The following PTGFRN variants were observed in gnomAD, a reference collection of about 807,000 sequenced individuals.
PTGFRN encodes the protein prostaglandin F2 receptor negative regulator.
Under a neutral mutation model 83.2 loss-of-function variants are expected in PTGFRN, and 35 were observed. The observed-to-expected ratio is 0.42, with a 90% CI of 0.32 to 0.56. The LOEUF (loss-of-function observed/expected upper bound fraction) is 0.56, where lower values mean the gene tolerates loss of function less well. Among genes scored for constraint, PTGFRN ranks in the 20% least tolerant of loss-of-function variants. The pLI is 0.11. For synonymous variants in PTGFRN, 519 were observed against 498.6 expected (o/e 1.04, Z -0.55); for missense variants, 1,051 against 1,179.5 (o/e 0.89, Z 1.60).
At chr1:116,915,422 C>G (rs1217967726) in intron 1 of PTGFRN, among the ~76,000 whole-genome samples, 2 of 152,208 alleles carry the variant, frequency 1.3e-5, no homozygotes, top group African/African-American at 4.8e-5. Context: ...CCTAGTGAAT[C>G]CATCCAGCTT....
intron 6 of PTGFRN, among the ~76,000 whole-genome samples, chr1:116,974,004 G>A (rs888666233): frequency 3.3e-5 from 5 of 152,178 alleles, no homozygotes; most frequent in African/African-American, 1.2e-4. Context: ...GTTCTATTTT[G>A]GTTGTAATCT....
chr1:116,988,699 ACT>A lies in PTGFRN; in HGVS notation c.*1733_*1734del. The A allele has an allele frequency of 6.5e-6, 1 of 152,790 alleles. No individual in the cohort carries two copies. Among genetic ancestry groups the A allele is most frequent in the African/African-American group, 2.4e-5 (1 of 41,426 alleles). 9.5% of individuals were successfully genotyped at this position (152,790 alleles called of 1,614,324 possible). On this transcript the variant is annotated 3_prime_UTR_variant, in exon 9 of 9. Transcript: ENST00000393203. ...CCTGCTCCCCCACAGCCGGTTCTGC[ACT>A]TATCACCGAGTCGCCCCTGGAAGCA...
At chr1:116,931,288 C>T (rs1649792524) in intron 1 of PTGFRN, among the ~76,000 whole-genome samples, 1 of 152,174 alleles carries the variant, frequency 6.6e-6, no homozygotes, top group Non-Finnish European at 1.5e-5. Flanking sequence ...AAAGGATATA[C>T]AGCCTGTATG....
chr1:116,910,023 C>G lies in PTGFRN; in HGVS notation c.-181C>G. 1 of 705,668 alleles carries G rather than the reference C, an allele frequency of 1.4e-6. No individual in the cohort carries two copies. Among genetic ancestry groups the G allele is most frequent in the Admixed American group, 2.2e-5 (1 of 44,778 alleles). The allele number at this position is 705,668 out of a possible 1,614,324, so 43.7% of individuals were successfully genotyped here. On this transcript the variant is annotated 5_prime_UTR_variant, in exon 1 of 9. Coordinates refer to ENST00000393203, the MANE Select transcript of PTGFRN (RefSeq NM_020440.4). ...AGGGAAGGAGGCGGGAGGGAGCGAGCGGAGCCAGGGGCGCACGTACGCCCC... is the reference window on the plus strand; with the variant it reads ...AGGGAAGGAGGCGGGAGGGAGCGAGGGGAGCCAGGGGCGCACGTACGCCCC...
At position 116,932,185 on chromosome 1, in the gene PTGFRN, G is replaced by C. The variant is rs112758182; in HGVS notation, c.50-9530G>C. Among the ~76,000 whole-genome samples, 584 of 152,280 alleles carry C rather than the reference G, an allele frequency of 3.8e-3. 2 individuals are homozygous for C. Among genetic ancestry groups the C allele is most frequent in the African/African-American group, 0.013 (551 of 41,562 alleles). On this transcript the variant is annotated intron_variant, in intron 1 of 8. Transcript: ENST00000393203. Reference sequence around the variant, plus strand: ...CATTTCCCATGGATATCAGAAGGAGGTGGAAAAGCATAGATAAATGAAGTG... The same window carrying C: ...CATTTCCCATGGATATCAGAAGGAGCTGGAAAAGCATAGATAAATGAAGTG...
rs1650383493 is a variant in PTGFRN at position 116,952,764 on chromosome 1, A to G, written c.1213+3192A>G. Among the ~76,000 whole-genome samples the G allele has an allele frequency of 6.6e-6, 1 of 152,242 alleles. No homozygotes were observed. The highest frequency in any genetic ancestry group is 1.5e-5 in the Non-Finnish European group (1 of 68,050). Reference sequence around the variant, plus strand: ...TTCATTTTGGGGCATTGGAAAAGATAATAGACAGGGCTTTCAACTGTTCTT... The same window carrying G: ...TTCATTTTGGGGCATTGGAAAAGATGATAGACAGGGCTTTCAACTGTTCTT... On this transcript the variant is annotated intron_variant, in intron 4 of 8. Coordinates refer to ENST00000393203, the MANE Select transcript of PTGFRN (RefSeq NM_020440.4). The surrounding 1 kb of genome is among the most constrained non-coding windows in gnomAD (Gnocchi z 4.0).
chr1:116,958,798 C>T lies in PTGFRN; in HGVS notation c.1214-2445C>T, dbSNP rs1333643876. Among the ~76,000 whole-genome samples the T allele has an allele frequency of 3.3e-5, 5 of 152,186 alleles. No individual in the cohort carries two copies. The highest frequency in any genetic ancestry group is 7.3e-5 in the Non-Finnish European group (5 of 68,038). Reference sequence around the variant, plus strand: ...AGTCTGGCTCCAGACCTCAGCTCCTCACCACTGTTCTCTGCTGCCTCACAG... The same window carrying T: ...AGTCTGGCTCCAGACCTCAGCTCCTTACCACTGTTCTCTGCTGCCTCACAG... On this transcript the variant is annotated intron_variant, in intron 4 of 8. Coordinates refer to ENST00000393203, the MANE Select transcript of PTGFRN (RefSeq NM_020440.4). The surrounding 1 kb of genome is among the most constrained non-coding windows in gnomAD (Gnocchi z 4.9).
rs1483405024 is a variant in PTGFRN, at chr1:116,949,291, C to T, written c.932C>T (p.Pro311Leu). 18 of 1,614,258 alleles carry T rather than the reference C, an allele frequency of 1.1e-5. No homozygotes were observed. Among genetic ancestry groups the T allele is most frequent in the Non-Finnish European group, 1.2e-5 (14 of 1,180,044 alleles). ...ACAGACCGAGCCGATGACGTCCGGC[C>T]CGAGGTGACGTGGTCCTTCAGCAGG... ...ITTDRADDVR[P>L]EVTWSFSRMP... Residue 311 changes from proline (P) to leucine (L), a missense_variant, in exon 4 of 9, where the codon CCC (proline) becomes CTC (leucine). Physicochemically the swap from Pro to Leu is moderately conservative, Grantham distance 98. Coordinates refer to ENST00000393203, the MANE Select transcript of PTGFRN (RefSeq NM_020440.4).
chr1:116,966,074 A>G (rs184250259), intron 5 of PTGFRN, among the ~76,000 whole-genome samples: 2 of 152,368 alleles, frequency 1.3e-5, no homozygotes, highest in African/African-American at 4.8e-5. Context: ...TAATCATCTT[A>G]TTAAAGGATA....
intron 2 of PTGFRN, among the ~76,000 whole-genome samples, chr1:116,943,428 C>T (rs572278034): frequency 6.6e-6 from 1 of 152,334 alleles, no homozygotes; most frequent in African/African-American, 2.4e-5. Flanking sequence ...ACCCGCACCC[C>T]ACTTCCTCCA....
chr1:116,936,886 A>G (rs140218751), intron 1 of PTGFRN, among the ~76,000 whole-genome samples: 2 of 152,340 alleles, frequency 1.3e-5, no homozygotes, highest in African/African-American at 4.8e-5. Context: ...AACAAAAATC[A>G]CTACTCATAT....
At position 116,941,743 on chromosome 1, in the gene PTGFRN, C is replaced by A; in HGVS notation, c.78C>A (p.Val26=). The change falls in exon 2 of 9, where the codon GTC becomes GTA. Residue 26 remains valine, a synonymous_variant. Coordinates refer to ENST00000393203, the MANE Select transcript of PTGFRN (RefSeq NM_020440.4). This position sits in a 1 kb window ranked among gnomAD's most constrained non-coding sequence, Gnocchi z 5.0. Reference sequence around the variant, plus strand: ...TTTGCCGAGGGCGTGTGGTGAGAGTCCCCACAGCGACCCTGGTTCGAGTGG... The same window carrying A: ...TTTGCCGAGGGCGTGTGGTGAGAGTACCCACAGCGACCCTGGTTCGAGTGG... ...LALCRGRVVR[V]PTATLVRVVG... The A allele has an allele frequency of 6.2e-7, 1 of 1,613,772 alleles. No homozygotes were observed. The highest frequency in any genetic ancestry group is 8.5e-7 in the Non-Finnish European group (1 of 1,179,806).
intron 7 of PTGFRN, among the ~76,000 whole-genome samples, chr1:116,984,298 C>T (rs553380075): frequency 1.3e-5 from 2 of 152,056 alleles, no homozygotes; most frequent in East Asian, 1.9e-4. Context: ...CCTGCAGTGT[C>T]CTGGCATACC....
chr1:116,982,445 T>C (rs978952357), intron 7 of PTGFRN, among the ~76,000 whole-genome samples: 3 of 152,142 alleles, frequency 2.0e-5, no homozygotes, highest in Non-Finnish European at 4.4e-5. Context: ...TGCTCTTTTG[T>C]GAAGGACATG....
At chr1:116,936,524 TAGGGGAGTTGGGGA>T (rs1201913344) in intron 1 of PTGFRN, among the ~76,000 whole-genome samples, 6 of 152,148 alleles carry the variant, frequency 3.9e-5, no homozygotes, top group Admixed American at 3.9e-4. Flanking sequence ...TAAGTGATCC[TAGGGGAGTTGGGGA>T]AGGCTTCACA....
At chr1:116,954,252 C>T (rs753558317) in intron 4 of PTGFRN, among the ~76,000 whole-genome samples, 1 of 152,174 alleles carries the variant, frequency 6.6e-6, no homozygotes, top group Non-Finnish European at 1.5e-5. Context: ...CATCCATCCT[C>T]ATAATGGTTC....
Position 116,968,813 on chromosome 1 carries a change from T to C in PTGFRN, c.2059+1483T>C, listed in dbSNP as rs146534787. On this transcript the variant is annotated intron_variant, in intron 6 of 8. Coordinates refer to ENST00000393203, the MANE Select transcript of PTGFRN (RefSeq NM_020440.4). ...ATTGAATCATATTATATGTGGACTT[T>C]TGTGACTTGCTTTTTTTCACTTAGC... 6.2e-4 allele frequency among the ~76,000 whole-genome samples: 95 copies of C among 152,320 alleles called. 1 individual carries two copies. The highest frequency in any genetic ancestry group is 2.2e-3 in the African/African-American group (91 of 41,586).
chr1:116,974,349 C>T (rs1557748470), intron 7 of PTGFRN, 26 bp downstream of exon 7: 1 of 1,496,866 alleles, frequency 6.7e-7, no homozygotes, highest in Admixed American at 1.7e-5. Flanking sequence ...CTCACCCCTT[C>T]ACCATGTTGC....
At chr1:116,919,484 A>C (rs146775760) in intron 1 of PTGFRN, among the ~76,000 whole-genome samples, 1 of 152,000 alleles carries the variant, frequency 6.6e-6, no homozygotes, top group African/African-American at 2.4e-5. Context: ...TGCAGCCTCA[A>C]CCTCCCTGGC....
Sources: allele counts gnomAD v4.1 joint callset (sites outside exome capture counted in the v4.1 genomes callset), GRCh38; gene constraint gnomAD v4.1.1; non-coding constraint Gnocchi (gnomAD v3.1); transcripts MANE v1.5; gene names NCBI Gene and HGNC (gene_info 2026-07-23, HGNC 2026-07-21).